NAALADL2: variants seen among roughly 807,000 people sequenced by gnomAD.
The protein encoded by NAALADL2 is N-acetylated alpha-linked acidic dipeptidase like 2, also known as inactive N-acetylated-alpha-linked acidic dipeptidase-like protein 2.
A neutral mutation model predicts 87.2 loss-of-function variants in NAALADL2; 76 were observed. That is an observed-to-expected ratio of 0.87 (90% CI 0.72 to 1.05). NAALADL2 has a LOEUF of 1.05. Ranked by LOEUF, NAALADL2 falls within the 50% of genes least tolerant of loss-of-function variation. The pLI is 0.00. For synonymous variants in NAALADL2, 354 were observed against 331.0 expected (o/e 1.07, Z -0.75); for missense variants, 1,089 against 945.8 (o/e 1.15, Z -1.99).
intron 11 of NAALADL2, among the ~76,000 whole-genome samples, chr3:175,682,020 T>G (rs1735663371): frequency 6.6e-6 from 1 of 152,094 alleles, no homozygotes; most frequent in African/African-American, 2.4e-5. Flanking sequence ...TTCTAATAAC[T>G]TCATGGTACA....
At chr3:174,763,829 C>CAAAAAAAAAAA (rs5854592) in intron 3 of NAALADL2, among the ~76,000 whole-genome samples, 4 of 138,154 alleles carry the variant, frequency 2.9e-5, no homozygotes, top group African/African-American at 7.8e-5. Context: ...CAAAACAAAA[C>CAAAAAAAAAAA]AAAAAAAAAA....
intron 1 of NAALADL2, among the ~76,000 whole-genome samples, chr3:174,996,732 A>G (rs1747514423): frequency 6.6e-6 from 1 of 152,010 alleles, no homozygotes; most frequent in Non-Finnish European, 1.5e-5. Flanking sequence ...TTTGTGCACC[A>G]GTCACCCAAG....
chr3:174,467,754 G>A (rs1469497629), intron 1 of NAALADL2, among the ~76,000 whole-genome samples: 1 of 151,880 alleles, frequency 6.6e-6, no homozygotes, highest in Admixed American at 6.6e-5. Context: ...TTATTCTTAT[G>A]TGAAAAAAGC....
chr3:175,471,881 G>A, intron 9 of NAALADL2, 123 bp downstream of exon 9: 2 of 846,212 alleles, frequency 2.4e-6, no homozygotes, highest in Non-Finnish European at 3.7e-6. Context: ...AGTGTTTTAA[G>A]AAATGATCTA....
intron 1 of NAALADL2, among the ~76,000 whole-genome samples, chr3:175,023,028 G>T (rs922567191): frequency 1.3e-5 from 2 of 151,978 alleles, no homozygotes; most frequent in Non-Finnish European, 2.9e-5. Context: ...TTCTTTCTCT[G>T]GTTGGTCGAT....
intron 11 of NAALADL2, among the ~76,000 whole-genome samples, chr3:175,708,784 A>G (rs1740100034): frequency 6.6e-6 from 1 of 151,688 alleles, no homozygotes; most frequent in South Asian, 2.1e-4. Flanking sequence ...AAACAGCTTT[A>G]CTATTCTTTC....
intron 3 of NAALADL2, among the ~76,000 whole-genome samples, chr3:174,812,710 G>A (rs1373368223): frequency 6.6e-6 from 1 of 151,978 alleles, no homozygotes; most frequent in Non-Finnish European, 1.5e-5. Context: ...GTGGAAGACA[G>A]TAATACTGAT....
At chr3:174,458,339 C>T (rs1715987904) in intron 1 of NAALADL2, among the ~76,000 whole-genome samples, 1 of 152,134 alleles carries the variant, frequency 6.6e-6, no homozygotes, top group Non-Finnish European at 1.5e-5. Flanking sequence ...CAACTTGACT[C>T]ACCTGTATTT....
chr3:175,357,118 ATCCTC>A (rs773628550), intron 5 of NAALADL2, among the ~76,000 whole-genome samples: 7 of 152,048 alleles, frequency 4.6e-5, no homozygotes, highest in Non-Finnish European at 1.0e-4. Flanking sequence ...ACATTTTTAT[ATCCTC>A]TCCTCACTAT....
At chr3:175,676,649 A>C (rs1176795083) in intron 11 of NAALADL2, 1 of 152,182 alleles carries the variant, frequency 6.6e-6, no homozygotes, top group Non-Finnish European at 1.5e-5. Context: ...AAAAAAAAAA[A>C]AAACTTCTCA....
intron 1 of NAALADL2, among the ~76,000 whole-genome samples, chr3:174,994,606 C>T (rs898984350): frequency 6.6e-6 from 1 of 151,836 alleles, no homozygotes; most frequent in Non-Finnish European, 1.5e-5. Flanking sequence ...ATTCTTTTAG[C>T]GGTCAACAAA....
chr3:175,598,547 T>G (rs1448066224), intron 10 of NAALADL2, among the ~76,000 whole-genome samples: 1 of 152,106 alleles, frequency 6.6e-6, no homozygotes, highest in Non-Finnish European at 1.5e-5. Flanking sequence ...AAGATTATTG[T>G]CACCATTTTA....
intron 3 of NAALADL2, among the ~76,000 whole-genome samples, chr3:174,746,116 A>C (rs575194329): frequency 7.2e-5 from 11 of 152,276 alleles, no homozygotes; most frequent in South Asian, 6.2e-4. Flanking sequence ...AGGGTATTCA[A>C]ATTGGAAGAG....
At chr3:175,661,181 A>C (rs976234249) in intron 11 of NAALADL2, among the ~76,000 whole-genome samples, 1 of 152,018 alleles carries the variant, frequency 6.6e-6, no homozygotes, top group Non-Finnish European at 1.5e-5. Context: ...TTTTGATAAT[A>C]GCTATTCTAA....
chr3:174,567,262 C>G (rs113131136), intron 2 of NAALADL2, among the ~76,000 whole-genome samples: 1 of 151,342 alleles, frequency 6.6e-6, no homozygotes, highest in Non-Finnish European at 1.5e-5. Flanking sequence ...TACATATATA[C>G]ATATTTTAAG....
chr3:174,503,717 G>A (rs1178116182), intron 1 of NAALADL2, among the ~76,000 whole-genome samples: 33 of 152,066 alleles, frequency 2.2e-4, no homozygotes, highest in Admixed American at 2.2e-3. Flanking sequence ...GAAATGATCT[G>A]GAGTTGGTAG....
intron 1 of NAALADL2, among the ~76,000 whole-genome samples, chr3:174,985,933 C>T (rs545833505): frequency 3.3e-5 from 5 of 151,696 alleles, no homozygotes; most frequent in South Asian, 4.2e-4. Flanking sequence ...GCCTGGGCAA[C>T]GAGAGCGAAA....
chr3:174,817,961 T>G (rs1053107135), intron 3 of NAALADL2, among the ~76,000 whole-genome samples: 1 of 152,230 alleles, frequency 6.6e-6, no homozygotes, highest in Non-Finnish European at 1.5e-5. Flanking sequence ...ATAGTAACTT[T>G]ATGAACTTCC....
At chr3:174,831,300 G>C (rs1722660288) in intron 3 of NAALADL2, among the ~76,000 whole-genome samples, 1 of 148,786 alleles carries the variant, frequency 6.7e-6, no homozygotes, top group African/African-American at 2.5e-5. Flanking sequence ...CTAATTTATT[G>C]AGAGTTTTTA....
Sources: allele counts gnomAD v4.1 joint callset (sites outside exome capture counted in the v4.1 genomes callset), GRCh38; gene constraint gnomAD v4.1.1; transcripts MANE v1.5; gene names NCBI Gene and HGNC (gene_info 2026-07-23, HGNC 2026-07-21).